THTPA: variants seen among roughly 807,000 people sequenced by gnomAD.
THTPA encodes thiamine-triphosphatase.
A neutral mutation model predicts 16.5 loss-of-function variants in THTPA; 16 were observed. The observed-to-expected ratio is 0.97, with a 90% CI of 0.66 to 1.47. THTPA has a LOEUF of 1.47. Among genes scored for constraint, THTPA ranks in the 40% most tolerant of loss-of-function variants. The pLI, the probability that THTPA is intolerant of heterozygous loss-of-function variation, is 0.00. For synonymous variants in THTPA, 110 were observed against 115.5 expected, an observed-to-expected ratio of 0.95 and a Z score of 0.30; for missense variants, 281 against 280.9, an observed-to-expected ratio of 1.00 and a Z score of 0.00.
In THTPA at chr14:23,557,196, G is replaced by A. The variant is rs138551053; in HGVS notation, c.439G>A (p.Asp147Asn). 1 of 1,613,970 alleles carries A rather than the reference G, an allele frequency of 6.2e-7. No individual in the cohort carries two copies. Among genetic ancestry groups the A allele is most frequent in the African/African-American group, 1.3e-5 (1 of 74,916 alleles). Residue 147 changes from aspartate (D) to asparagine (N), a missense_variant, in exon 1 of 2, where the codon GAT becomes AAT. By Grantham distance (23) the Asp-to-Asn change is conservative. Coordinates refer to ENST00000288014, the MANE Select transcript of THTPA (RefSeq NM_024328.6). ...EEEPQLRVDLDTADFGYAVGE... is the reference protein window; with the variant it reads ...EEEPQLRVDLNTADFGYAVGE... ...GGAGCCACAGCTCAGGGTGGACTTG[G>A]ATACAGCCGACTTTGGCTACGCTGT...
chr14:23,546,949 C>G, the THTPA span, among the ~76,000 whole-genome samples: 1 of 152,208 alleles, frequency 6.6e-6, no homozygotes, highest in African/African-American at 2.4e-5. This position sits in a 1 kb window ranked among gnomAD's most constrained non-coding sequence, Gnocchi z 4.7. Flanking sequence ...ACTCCCAGCT[C>G]TCTCCCCTGT....
the THTPA span, chr14:23,526,402 G>A: frequency 6.5e-7 from 1 of 1,536,296 alleles, no homozygotes; most frequent in Admixed American, 2.0e-5. Flanking sequence ...ACTTGTCCAG[G>A]GCAAAGTTGG....
chr14:23,546,700 G>A, the THTPA span, among the ~76,000 whole-genome samples: 1 of 152,194 alleles, frequency 6.6e-6, no homozygotes, highest in East Asian at 1.9e-4. The surrounding 1 kb of genome is among the most constrained non-coding windows in gnomAD (Gnocchi z 4.7). Flanking sequence ...GGCTGACCGA[G>A]CTTAGTGTGA....
At chr14:23,523,945 T>C in the THTPA span, 3 of 1,535,262 alleles carry the variant, frequency 2.0e-6, no homozygotes, top group Non-Finnish European at 2.6e-6. The surrounding 1 kb of genome is among the most constrained non-coding windows in gnomAD (Gnocchi z 4.1). Context: ...GAGGGGGAGG[T>C]AGGAGAGGTA....
Position 23,560,270 on chromosome 14 carries a change from C to T in THTPA, c.*1430C>T. ...CTTTACAAACCTTGGGCACAGCAGC[C>T]TGGCAGATGAAATGGGTGACATCAC... On this transcript the variant is annotated 3_prime_UTR_variant, in exon 2 of 2. Coordinates refer to ENST00000288014, the MANE Select transcript of THTPA (RefSeq NM_024328.6). 6.2e-7 allele frequency: 1 copy of T among 1,613,716 alleles called. No individual in the cohort carries two copies. Among genetic ancestry groups the T allele is most frequent in the Non-Finnish European group, 8.5e-7 (1 of 1,180,030 alleles).
At chr14:23,550,820 C>T in the THTPA span, among the ~76,000 whole-genome samples, 1 of 152,154 alleles carries the variant, frequency 6.6e-6, no homozygotes, top group African/African-American at 2.4e-5. Flanking sequence ...GTATCCACGT[C>T]CCCTCCCACT....
chr14:23,538,408 T>C, the THTPA span, among the ~76,000 whole-genome samples: 51,664 of 151,550 alleles, frequency 0.34, 12,249 homozygotes, highest in African/African-American at 0.68. Context: ...ATTATTTTTT[T>C]GCTTTTTTTC....
chr14:23,534,049 G>A, the THTPA span: 4 of 1,533,536 alleles, frequency 2.6e-6, no homozygotes, highest in Non-Finnish European at 2.6e-6. This position sits in a 1 kb window ranked among gnomAD's most constrained non-coding sequence, Gnocchi z 4.5. Flanking sequence ...AGGGGCTGGG[G>A]TGTAGTCATC....
the THTPA span, chr14:23,532,868 A>T: frequency 6.5e-7 from 1 of 1,536,100 alleles, no homozygotes; most frequent in African/African-American, 1.4e-5. Flanking sequence ...GTCACCAGCC[A>T]CCTCCTTCCA....
At chr14:23,521,593 G>C in the THTPA span, 4 of 216,856 alleles carry the variant, frequency 1.8e-5, 1 homozygote, top group South Asian at 3.0e-4. Context: ...CATTTATGGG[G>C]ATGGGGAGCT....
upstream of THTPA, among the ~76,000 whole-genome samples, chr14:23,551,037 C>T (rs995856127): frequency 6.6e-6 from 1 of 152,000 alleles, no homozygotes. The surrounding 1 kb of genome is among the most constrained non-coding windows in gnomAD (Gnocchi z 5.3). Context: ...CTTCGTCTGT[C>T]CGGCGGGCCT....
At chr14:23,552,711 C>T (rs1359841952), upstream of THTPA, among the ~76,000 whole-genome samples, 1 of 152,140 alleles carries the variant, frequency 6.6e-6, no homozygotes. Context: ...AAGTGATTCT[C>T]CTGCCTCAGC....
intron 1 of THTPA, among the ~76,000 whole-genome samples, chr14:23,557,576 A>G (rs1017948162): frequency 2.0e-5 from 3 of 152,152 alleles, no homozygotes; most frequent in African/African-American, 7.2e-5. Flanking sequence ...GCAATTTTCT[A>G]AGTTTGCTTA....
At chr14:23,533,779 G>A in the THTPA span, 1 of 1,557,924 alleles carries the variant, frequency 6.4e-7, no homozygotes, top group Non-Finnish European at 8.6e-7. The surrounding 1 kb of genome is among the most constrained non-coding windows in gnomAD (Gnocchi z 4.8). Flanking sequence ...GGTGGTTGTA[G>A]AGTAGTTGCA....
chr14:23,526,112 C>A, the THTPA span: 1 of 1,536,364 alleles, frequency 6.5e-7, no homozygotes, highest in East Asian at 2.4e-5. Context: ...CTTGGTTCCC[C>A]GAGAGCGAGT....
Position 23,556,727 on chromosome 14 carries a change from G to A in THTPA, c.-31G>A. 6.3e-7 allele frequency: 1 copy of A among 1,596,294 alleles called. No individual in the cohort carries two copies. Among genetic ancestry groups the A allele is most frequent in the Non-Finnish European group, 8.5e-7 (1 of 1,171,436 alleles). ...CAGGCTTTGCATCCTTGGGAACTCA[G>A]CAAACGTTTGTTCAGCCAATTGCAG... On this transcript the variant is annotated 5_prime_UTR_variant, in exon 1 of 2. Coordinates refer to ENST00000288014, the MANE Select transcript of THTPA (RefSeq NM_024328.6).
At chr14:23,515,673 G>A in the THTPA span, among the ~76,000 whole-genome samples, 1 of 152,334 alleles carries the variant, frequency 6.6e-6, no homozygotes, top group South Asian at 2.1e-4. Flanking sequence ...AGATTTGGCT[G>A]TGGGTGATGT....
chr14:23,553,843 G>T (rs7342529), upstream of THTPA, among the ~76,000 whole-genome samples: 1 of 151,856 alleles, frequency 6.6e-6, no homozygotes, highest in Non-Finnish European at 1.5e-5. Flanking sequence ...GCAGTGAGCC[G>T]AGATGGCGCC....
the THTPA span, chr14:23,525,309 C>G: frequency 6.5e-7 from 1 of 1,536,044 alleles, no homozygotes; most frequent in Non-Finnish European, 8.7e-7. The surrounding 1 kb of genome is among the most constrained non-coding windows in gnomAD (Gnocchi z 5.9). Flanking sequence ...AGATGGGGAA[C>G]AGGTGAATCC....
Sources: allele counts gnomAD v4.1 joint callset (sites outside exome capture counted in the v4.1 genomes callset), GRCh38; gene constraint gnomAD v4.1.1; non-coding constraint Gnocchi (gnomAD v3.1); transcripts MANE v1.5; gene names NCBI Gene and HGNC (gene_info 2026-07-23, HGNC 2026-07-21).